The following SGSM1 variants were observed in gnomAD, a reference collection of about 807,000 sequenced individuals.
SGSM1 encodes the protein RUN and TBC1 domain containing 2.
Under a neutral mutation model 133.8 loss-of-function variants are expected in SGSM1, and 73 were observed. That is an observed-to-expected ratio of 0.55 (90% CI 0.45 to 0.66). The LOEUF is 0.66. SGSM1 is among the 30% of genes least tolerant of loss of function. The pLI is 0.00. For synonymous variants in SGSM1, 563 were observed against 573.0 expected (o/e 0.98, Z 0.25); for missense variants, 1,213 against 1,448.1 (o/e 0.84, Z 2.64).
At chr22:24,895,094 G>T in intron 17 of SGSM1, 129 bp from the exon 18 acceptor site, 4 of 872,544 alleles carry the variant, frequency 4.6e-6, no homozygotes, top group Non-Finnish European at 7.4e-6. Flanking sequence ...CTGATGCTCT[G>T]AGAGAGGACT....
intron 2 of SGSM1, among the ~76,000 whole-genome samples, chr22:24,822,829 G>C (rs1928562750): frequency 6.6e-6 from 1 of 152,212 alleles, no homozygotes; most frequent in Non-Finnish European, 1.5e-5. Flanking sequence ...TTAAGTCCCA[G>C]CCTCCTCACA....
intron 2 of SGSM1, among the ~76,000 whole-genome samples, chr22:24,842,152 T>C (rs1449005176): frequency 6.6e-6 from 1 of 152,190 alleles, no homozygotes; most frequent in Admixed American, 6.5e-5. Flanking sequence ...CATCACCGTG[T>C]CCTGCCTTAG....
At chr22:24,859,615 C>T (rs1373401072) in intron 8 of SGSM1, 101 bp from the exon 9 acceptor site, 3 of 1,517,072 alleles carry the variant, frequency 2.0e-6, no homozygotes, top group Non-Finnish European at 2.7e-6. Context: ...TTAACCCAAC[C>T]TCTTAGTTCT....
chr22:24,868,333 T>A, intron 10 of SGSM1, 43 bp from the exon 11 acceptor site: 1 of 1,581,948 alleles, frequency 6.3e-7, no homozygotes, highest in Non-Finnish European at 8.6e-7. Context: ...CCGTGCCTCA[T>A]AGTGACTTCC....
At position 24,899,583 on chromosome 22, in the gene SGSM1, C is replaced by T. The variant is rs142314675; in HGVS notation, c.2610+1024C>T. On this transcript the variant is annotated intron_variant, in intron 19 of 24. Transcript: ENST00000400358. ...TGTCACCTAGGCTGGAGTGCAGTGGCGTGATCTCGGCTCACTGCAACCTCT... is the reference window on the plus strand; with the variant it reads ...TGTCACCTAGGCTGGAGTGCAGTGGTGTGATCTCGGCTCACTGCAACCTCT... Among the ~76,000 whole-genome samples the T allele has an allele frequency of 6.6e-3, 981 of 147,780 alleles. 16 individuals carry two copies. Among genetic ancestry groups the T allele is most frequent in the African/African-American group, 0.024 (942 of 39,964 alleles).
In SGSM1 at chr22:24,868,592, G is replaced by T. The variant is rs1228189458; in HGVS notation, c.1158+53G>T. The T allele has an allele frequency of 6.8e-6, 11 of 1,612,402 alleles. No individual in the cohort carries two copies. In the South Asian group the frequency reaches 1.1e-4, roughly 16 times the overall value. ...CTGGGGTGGAGGCTGGTCACAGAGG[G>T]TGGTTGTTTTTGCCTGTGTGCCCTT... On this transcript the variant is annotated intron_variant, in intron 11 of 24. Transcript: ENST00000400358.
At chr22:24,911,518 G>A (rs1018914504) in intron 21 of SGSM1, among the ~76,000 whole-genome samples, 1 of 152,052 alleles carries the variant, frequency 6.6e-6, no homozygotes, top group African/African-American at 2.4e-5. Context: ...GTGCAGTATG[G>A]AAGGCAGTGA....
intron 10 of SGSM1, 87 bp downstream of exon 10, chr22:24,867,247 A>G: frequency 1.6e-6 from 2 of 1,281,782 alleles, no homozygotes; most frequent in East Asian, 2.4e-5. Context: ...TAGCATCATG[A>G]GCGAATGATA....
chr22:24,901,928 C>T lies in SGSM1; in HGVS notation c.2706C>T (p.Asn902=), dbSNP rs1405629743. The T allele has an allele frequency of 2.8e-6, 4 of 1,410,060 alleles. No homozygotes were observed. The South Asian group carries it at 3.5e-5, about 12-fold the overall frequency. The allele number at this position is 1,410,060 out of a possible 1,614,324, so 87.3% of individuals were successfully genotyped here. ...ACTACTGGTACTTCACGCCCGCCAACTTGGAGAAGCTGCGTAACATCATGT... is the reference window on the plus strand; with the variant it reads ...ACTACTGGTACTTCACGCCCGCCAATTTGGAGAAGCTGCGTAACATCATGT... ...DRNYWYFTPA[N]LEKLRNIMCS... is the part of the protein sequence containing the mutation. Residue 902 remains asparagine, a synonymous_variant, in exon 20 of 25, where the codon AAC becomes AAT. Coordinates refer to ENST00000400358, the MANE Select transcript of SGSM1 (RefSeq NM_001098497.3).
intron 2 of SGSM1, among the ~76,000 whole-genome samples, chr22:24,817,415 C>T (rs761298069): frequency 3.0e-4 from 45 of 151,536 alleles, no homozygotes; most frequent in Non-Finnish European, 5.0e-4. Context: ...TGCAGTGGCG[C>T]CATCTCGGCT....
At chr22:24,845,726 C>T (rs927725926) in intron 3 of SGSM1, among the ~76,000 whole-genome samples, 1 of 152,194 alleles carries the variant, frequency 6.6e-6, no homozygotes, top group African/African-American at 2.4e-5. Context: ...GGGGGCACCA[C>T]CCCACGGGGC....
In SGSM1 at chr22:24,855,038, C is replaced by T. The variant is rs200524065; in HGVS notation, c.498C>T (p.Asp166=). 8.1e-5 allele frequency: 131 copies of T among 1,613,266 alleles called. No individual in the cohort carries two copies. The highest frequency in any genetic ancestry group is 1.3e-4 in the Admixed American group (8 of 59,940). Residue 166 remains aspartate, a synonymous_variant, in exon 6 of 25, where the codon GAC becomes GAT. Coordinates refer to ENST00000400358, the MANE Select transcript of SGSM1 (RefSeq NM_001098497.3). ...EKEALLMDPV[D]GPILASLLVG... ...AAGCTCTCCTGATGGACCCTGTGGA[C>T]GGCCCCATCCTTGCATCTTTGTTGG...
chr22:24,912,709 G>A lies in SGSM1; in HGVS notation c.2885G>A (p.Gly962Asp). Residue 962 changes from glycine to aspartate, a missense_variant, in exon 22 of 25, where the codon GGC becomes GAC. Transcript: ENST00000400358. ...ATGAACCAGAACTTCCCCCACGGAG[G>A]CGCCATGGACACGCACTTTGCAAAC... The part of the protein sequence containing the change: ...KRMNQNFPHG[G>D]AMDTHFANMR... 1 of 1,613,820 alleles carries A rather than the reference G, an allele frequency of 6.2e-7. No homozygotes were observed. The highest frequency in any genetic ancestry group is 8.5e-7 in the Non-Finnish European group (1 of 1,179,912).
intron 18 of SGSM1, 110 bp downstream of exon 18, chr22:24,895,401 T>C: frequency 9.2e-7 from 1 of 1,088,174 alleles, no homozygotes; most frequent in Admixed American, 2.2e-5. Flanking sequence ...TTATTTGTTT[T>C]AGCTTTTTAT....
At chr22:24,887,503 T>C (rs1932684223) in intron 16 of SGSM1, among the ~76,000 whole-genome samples, 2 of 152,180 alleles carry the variant, frequency 1.3e-5, no homozygotes, top group Admixed American at 1.3e-4. Flanking sequence ...AGCTGAGTTG[T>C]TTCTGGTTTT....
intron 20 of SGSM1, 52 bp downstream of exon 20, chr22:24,902,009 G>T (rs1933184307): frequency 1.1e-5 from 2 of 177,054 alleles, no homozygotes; most frequent in Non-Finnish European, 1.2e-5. Flanking sequence ...GGGTGGGTGG[G>T]ATGGGGGATG....
At chr22:24,922,941 A>C (rs1934065477) in intron 24 of SGSM1, among the ~76,000 whole-genome samples, 1 of 152,192 alleles carries the variant, frequency 6.6e-6, no homozygotes, top group East Asian at 1.9e-4. Context: ...CATTCTGGCC[A>C]ACATGGCAAA....
At chr22:24,872,718 G>C (rs902252009) in intron 12 of SGSM1, among the ~76,000 whole-genome samples, 1 of 152,034 alleles carries the variant, frequency 6.6e-6, no homozygotes, top group Non-Finnish European at 1.5e-5. Context: ...GGAGATTCGA[G>C]ACCATCCTGG....
intron 3 of SGSM1, among the ~76,000 whole-genome samples, chr22:24,847,321 C>G (rs1050553441): frequency 1.1e-4 from 16 of 152,208 alleles, no homozygotes; most frequent in South Asian, 2.1e-4. Flanking sequence ...GCTATGCCCC[C>G]TGAGAGCACT....
Sources: gnomAD v4.1 joint callset for allele counts (sites outside exome capture counted in the v4.1 genomes callset) on GRCh38, gnomAD v4.1.1 for gene constraint, MANE v1.5 for transcripts, NCBI Gene and HGNC (gene_info 2026-07-23, HGNC 2026-07-21) for gene names.